The following TCEA1 variants were observed in gnomAD, a reference collection of about 807,000 sequenced individuals.
TCEA1 encodes the protein transcription elongation factor A protein 1.
TCEA1 carries 21 observed loss-of-function variants against 43.8 expected under a neutral mutation model. That is an observed-to-expected ratio of 0.48 (90% confidence interval 0.34 to 0.69). TCEA1 has a LOEUF of 0.69. TCEA1 is among the 30% of genes least tolerant of loss of function. The pLI, the probability that TCEA1 is intolerant of heterozygous loss-of-function variation, is 0.01. For missense variants in TCEA1, 250 were observed against 365.1 expected (o/e 0.68, Z 2.57); for synonymous variants, 104 against 117.5 (o/e 0.88, Z 0.75).
intron 2 of TCEA1, among the ~76,000 whole-genome samples, chr8:54,006,842 CT>C (rs1804481649): frequency 6.6e-6 from 1 of 152,050 alleles, no homozygotes; most frequent in Non-Finnish European, 1.5e-5. Flanking sequence ...TAGAGGAGTT[CT>C]TTTTTGTTTT....
chr8:53,990,360 CTTT>C (rs869104595), intron 4 of TCEA1, among the ~76,000 whole-genome samples: 1 of 136,892 alleles, frequency 7.3e-6, no homozygotes, highest in Non-Finnish European at 1.6e-5. Context: ...CATTTCTTTT[CTTT>C]TTTTTTTTTT....
At chr8:53,984,934 A>G (rs1586002123) in intron 6 of TCEA1, among the ~76,000 whole-genome samples, 1 of 152,060 alleles carries the variant, frequency 6.6e-6, no homozygotes, top group Non-Finnish European at 1.5e-5. Context: ...ACTGTTTCCA[A>G]TTTAGAGTAT....
At chr8:53,972,654 G>C in intron 8 of TCEA1, 1 of 617,964 alleles carries the variant, frequency 1.6e-6, no homozygotes, top group Non-Finnish European at 3.1e-6. Flanking sequence ...GGAAGAGCAA[G>C]TTTGAGGATC....
At chr8:53,979,763 G>A (rs1471447097) in intron 7 of TCEA1, among the ~76,000 whole-genome samples, 1 of 152,140 alleles carries the variant, frequency 6.6e-6, no homozygotes, top group Non-Finnish European at 1.5e-5. Flanking sequence ...TTCCCCAATT[G>A]CTCCTATAGG....
rs900684910 is a variant in TCEA1, at chr8:54,022,223, A to C, written c.-98T>G. 1 of 1,357,656 alleles carries C rather than the reference A, an allele frequency of 7.4e-7. No individual in the cohort carries two copies. The highest frequency in any genetic ancestry group is 1.5e-5 in the African/African-American group (1 of 67,014). 84.1% of individuals were successfully genotyped at this position (1,357,656 alleles called of 1,614,324 possible). A position where few individuals can be genotyped will look rare whatever the true frequency, so the allele number is the denominator to read the frequency against. On this transcript the variant is annotated 5_prime_UTR_variant, in exon 1 of 10. Transcript: ENST00000521604. ...GCAGGAGCGACCCCCGGCGCGCAGC[A>C]ACCCCCACCACCGCAGGCCCGGGCC...
intron 6 of TCEA1, 98 bp from the exon 7 acceptor site, chr8:53,984,615 G>A (rs1803630599): frequency 9.5e-7 from 1 of 1,049,068 alleles, no homozygotes. Flanking sequence ...CAGGCACGGT[G>A]GCTCATGCCT....
intron 2 of TCEA1, among the ~76,000 whole-genome samples, chr8:54,000,784 A>G (rs1310306058): frequency 7.2e-6 from 1 of 138,634 alleles, no homozygotes; most frequent in Admixed American, 7.3e-5. Context: ...TTTGAGACGG[A>G]CTCTCACTCT....
At chr8:53,970,811 A>C (rs528668446) in intron 8 of TCEA1, among the ~76,000 whole-genome samples, 2 of 152,304 alleles carry the variant, frequency 1.3e-5, no homozygotes, top group East Asian at 1.9e-4. Flanking sequence ...CATCAGTAAG[A>C]AGCACAGAAA....
chr8:53,973,007 A>G lies in TCEA1; in HGVS notation c.826-2544T>C, dbSNP rs1026981880. On this transcript the variant is annotated intron_variant, in intron 8 of 9. Coordinates refer to ENST00000521604, the MANE Select transcript of TCEA1 (RefSeq NM_006756.4). ...GAAATCACTTGGGATGAGACTGAAC[A>G]TGAAAGAATTACAACACTCAACAGG... 3 of 672,368 alleles carry G rather than the reference A, an allele frequency of 4.5e-6. No homozygotes were observed. The African/African-American group carries it at 5.3e-5, about 12-fold the overall frequency. The allele number at this position is 672,368 out of a possible 1,614,324, so 41.7% of individuals were successfully genotyped here. A position where few individuals can be genotyped will look rare whatever the true frequency, so the allele number is the denominator to read the frequency against.
intron 8 of TCEA1, chr8:53,978,566 C>G (rs112741416): frequency 6.5e-6 from 1 of 153,774 alleles, no homozygotes. Context: ...GGCAGGACCA[C>G]CTGAAGCAGA....
chr8:54,007,845 C>T (rs1008524501), intron 2 of TCEA1, among the ~76,000 whole-genome samples: 4 of 152,038 alleles, frequency 2.6e-5, no homozygotes, highest in South Asian at 2.1e-4. Flanking sequence ...ATTAAGTTTC[C>T]TTTTTAACAC....
At chr8:53,970,570 A>C in intron 8 of TCEA1, 107 bp from the exon 9 acceptor site, 1 of 595,060 alleles carries the variant, frequency 1.7e-6, no homozygotes, top group Non-Finnish European at 2.9e-6. Flanking sequence ...ATGGTACCAC[A>C]ATAAAATGAA....
chr8:53,999,861 C>T (rs1336090799), intron 3 of TCEA1, 84 bp downstream of exon 3: 1 of 960,596 alleles, frequency 1.0e-6, no homozygotes, highest in Non-Finnish European at 1.6e-6. Flanking sequence ...AAAATGTAAC[C>T]ATTAACTAAC....
In TCEA1 at chr8:53,976,479, A is replaced by T. The variant is rs562081584; in HGVS notation, c.825+2546T>A. Among the ~76,000 whole-genome samples the T allele has an allele frequency of 3.3e-5, 5 of 152,232 alleles. No individual in the cohort carries two copies. In the East Asian group the frequency reaches 9.6e-4, roughly 29 times the overall value. ...CAAGAGTTACACTTATTTCTTTTAC[A>T]TCTGTTATTTCCATGAGAACTTTGA... On this transcript the variant is annotated intron_variant, in intron 8 of 9. Transcript: ENST00000521604.
intron 6 of TCEA1, 73 bp downstream of exon 6, chr8:53,986,896 C>T (rs1163898996): frequency 5.9e-6 from 7 of 1,195,158 alleles, no homozygotes; most frequent in Middle Eastern, 2.8e-4. Context: ...TAAAACCGTG[C>T]CTGGCATTTG....
chr8:54,000,187 T>TTTGCTATTATA, intron 2 of TCEA1, 137 bp from the exon 3 acceptor site: 1 of 575,008 alleles, frequency 1.7e-6, no homozygotes, highest in Non-Finnish European at 3.1e-6. Context: ...ATCCTTATAA[T>TTTGCTATTATA]AGCAAATTAT....
intron 7 of TCEA1, 40 bp from the exon 8 acceptor site, chr8:53,979,211 T>G (rs1803431542): frequency 6.4e-7 from 1 of 1,573,250 alleles, no homozygotes; most frequent in African/African-American, 1.4e-5. Context: ...TATAGACACC[T>G]TCTATATATA....
At chr8:53,970,569 C>A in intron 8 of TCEA1, 106 bp from the exon 9 acceptor site, 2 of 597,874 alleles carry the variant, frequency 3.3e-6, no homozygotes, top group Non-Finnish European at 5.8e-6. Context: ...AATGGTACCA[C>A]AATAAAATGA....
intron 1 of TCEA1, among the ~76,000 whole-genome samples, chr8:54,019,416 G>A (rs1035104820): frequency 2.0e-5 from 3 of 151,564 alleles, no homozygotes; most frequent in African/African-American, 7.3e-5. Flanking sequence ...CTAAAAATAC[G>A]AAAATTAGCC....
Sources: gnomAD v4.1 joint callset for allele counts (sites outside exome capture counted in the v4.1 genomes callset) on GRCh38, gnomAD v4.1.1 for gene constraint, MANE v1.5 for transcripts, NCBI Gene and HGNC (gene_info 2026-07-23, HGNC 2026-07-21) for gene names.